NIPBL: variants seen among roughly 807,000 people sequenced by gnomAD.
NIPBL encodes nipped-B-like protein.
Under a neutral mutation model 321.8 loss-of-function variants are expected in NIPBL, and 19 were observed. The ratio of observed to expected loss-of-function variants is 0.06; its 90% confidence interval spans 0.04 to 0.09. The LOEUF (loss-of-function observed/expected upper bound fraction) is 0.09, where lower values mean the gene tolerates loss of function less well. NIPBL is among the 10% of genes least tolerant of loss of function. NIPBL has a pLI of 1.00. For missense variants in NIPBL, 2,210 were observed against 3,327.0 expected (o/e 0.66, Z 8.26); for synonymous variants, 1,106 against 1,114.1 (o/e 0.99, Z 0.14).
rs1749508076 is a variant in NIPBL, at chr5:37,020,562, A to G, written c.5114A>G (p.His1705Arg). The change falls in exon 26 of 47, where the codon CAT (histidine) becomes CGT (arginine). Residue 1705 changes from histidine to arginine, a missense_variant. By Grantham distance (29) the His-to-Arg change is conservative (BLOSUM62 0). Around this residue, in one of 14 missense-constraint regions of NIPBL, gnomAD observed 138 missense variants for 175.8 expected, o/e 0.79. Coordinates refer to ENST00000282516, the MANE Select transcript of NIPBL (RefSeq NM_133433.4). ...QKDEESSEGT[H>R]HAKEIETTGQ... is the part of the protein sequence containing the mutation. ...GATGAAGAATCATCTGAAGGAACACATCATGCAAAGGAAATTGAGACAACT... is the reference window on the plus strand; with the variant it reads ...GATGAAGAATCATCTGAAGGAACACGTCATGCAAAGGAAATTGAGACAACT... 1 of 1,613,970 alleles carries G rather than the reference A, an allele frequency of 6.2e-7. No homozygotes were observed. The highest frequency in any genetic ancestry group is 1.3e-5 in the African/African-American group (1 of 74,932).
At chr5:37,028,071 A>G (rs1032658569) in intron 32 of NIPBL, among the ~76,000 whole-genome samples, 1 of 152,112 alleles carries the variant, frequency 6.6e-6, no homozygotes, top group African/African-American at 2.4e-5. Context: ...ATATAATTAC[A>G]TGATTTAGTA....
chr5:36,887,212 A>T (rs1371465877), intron 1 of NIPBL, among the ~76,000 whole-genome samples: 1 of 152,178 alleles, frequency 6.6e-6, no homozygotes, highest in Non-Finnish European at 1.5e-5. Context: ...AAGCATGTGA[A>T]ATAGACCTAC....
At chr5:37,023,591 C>A (rs552252985) in intron 29 of NIPBL, among the ~76,000 whole-genome samples, 1 of 151,916 alleles carries the variant, frequency 6.6e-6, no homozygotes, top group Non-Finnish European at 1.5e-5. Flanking sequence ...ATTATCTCAC[C>A]CAAATTAGCA....
chr5:36,956,840 G>C (rs995823502), intron 3 of NIPBL, among the ~76,000 whole-genome samples: 18 of 151,728 alleles, frequency 1.2e-4, no homozygotes. Context: ...GGCCAGGCTG[G>C]TCTCAAATTC....
chr5:36,926,290 C>G (rs1374122383), intron 1 of NIPBL, among the ~76,000 whole-genome samples: 1 of 152,154 alleles, frequency 6.6e-6, no homozygotes, highest in African/African-American at 2.4e-5. Flanking sequence ...TCCTATGTCT[C>G]ACGATTTTGT....
chr5:36,897,835 C>G (rs1746877213), intron 1 of NIPBL, among the ~76,000 whole-genome samples: 1 of 145,274 alleles, frequency 6.9e-6, no homozygotes, highest in Non-Finnish European at 1.5e-5. Context: ...CTTTACTCCA[C>G]TAGTCAGTAA....
chr5:36,945,589 G>A (rs1739580266), intron 1 of NIPBL, among the ~76,000 whole-genome samples: 1 of 152,146 alleles, frequency 6.6e-6, no homozygotes, highest in South Asian at 2.1e-4. Flanking sequence ...AGCGGTGGCT[G>A]CAGAGAGCTC....
At chr5:36,972,365 CTT>C (rs1742953121) in intron 8 of NIPBL, among the ~76,000 whole-genome samples, 1 of 152,116 alleles carries the variant, frequency 6.6e-6, no homozygotes, top group Non-Finnish European at 1.5e-5. Context: ...CAGCTTTCCT[CTT>C]TCCTCCAAAA....
intron 42 of NIPBL, among the ~76,000 whole-genome samples, chr5:37,054,354 TATC>T (rs1250736827): frequency 6.6e-6 from 1 of 152,250 alleles, no homozygotes; most frequent in African/African-American, 2.4e-5. Flanking sequence ...ATTATCATCA[TATC>T]ATTATCAGTA....
chr5:37,059,338 C>T (rs768763529), intron 44 of NIPBL, among the ~76,000 whole-genome samples, 173 bp downstream of exon 44: 5 of 152,100 alleles, frequency 3.3e-5, no homozygotes, highest in Non-Finnish European at 7.4e-5. Context: ...GAAACGCCAT[C>T]TCTATTAAAA....
intron 1 of NIPBL, among the ~76,000 whole-genome samples, chr5:36,895,021 A>G (rs907232521): frequency 3.3e-5 from 5 of 152,170 alleles, no homozygotes; most frequent in African/African-American, 9.7e-5. Flanking sequence ...AAACTGTAAA[A>G]TTCACCCTTT....
At chr5:36,972,183 G>T (rs930204085) in intron 8 of NIPBL, 142 bp downstream of exon 8, 5 of 633,946 alleles carry the variant, frequency 7.9e-6, no homozygotes, top group Non-Finnish European at 8.4e-6. Context: ...GTACAAGCAG[G>T]TCTGGATCAT....
At chr5:36,992,804 G>A (rs1360208984) in intron 10 of NIPBL, among the ~76,000 whole-genome samples, 1 of 151,490 alleles carries the variant, frequency 6.6e-6, no homozygotes, top group Non-Finnish European at 1.5e-5. Flanking sequence ...GTGCAGTGGC[G>A]TGATCTTGGC....
chr5:36,962,753 TTACA>T (rs1301199972), intron 6 of NIPBL, among the ~76,000 whole-genome samples: 4 of 152,204 alleles, frequency 2.6e-5, no homozygotes, highest in African/African-American at 9.6e-5. Context: ...CTTGTCGTTA[TTACA>T]TAAACAATAT....
At chr5:37,023,775 T>TTTTTTTTTTTTTTTTTTTTTTTTTTTTA (rs1554026119) in intron 29 of NIPBL, among the ~76,000 whole-genome samples, 1 of 138,870 alleles carries the variant, frequency 7.2e-6, no homozygotes, top group Non-Finnish European at 1.5e-5. Context: ...TTTTTTTTTT[T>TTTTTTTTTTTTTTTTTTTTTTTTTTTTA]ACATCCCATA....
chr5:37,003,022 C>T lies in NIPBL; in HGVS notation c.3769-239C>T, dbSNP rs562590457. Among the ~76,000 whole-genome samples the T allele has an allele frequency of 0.012, 1,810 of 146,102 alleles. 34 individuals are homozygous for T. Among genetic ancestry groups the T allele is most frequent in the African/African-American group, 0.043 (1,704 of 39,780 alleles). On this transcript the variant is annotated intron_variant, in intron 15 of 46. Coordinates refer to ENST00000282516, the MANE Select transcript of NIPBL (RefSeq NM_133433.4). The stretch of plus-strand genomic sequence containing the variant: ...AATTTTTTCCAGAGTTTTTTTTTTT[C>T]ATTTTCTCAAATATTTAGATTATTT...
chr5:36,884,374 A>G (rs1279518792), intron 1 of NIPBL, among the ~76,000 whole-genome samples: 2 of 152,210 alleles, frequency 1.3e-5, no homozygotes, highest in East Asian at 1.9e-4. Context: ...GACATTAACC[A>G]TGAAAATATA....
At chr5:36,959,836 A>G (rs1414970431) in intron 4 of NIPBL, among the ~76,000 whole-genome samples, 2 of 152,096 alleles carry the variant, frequency 1.3e-5, no homozygotes, top group African/African-American at 4.8e-5. Flanking sequence ...TGATTTCTGT[A>G]TACCCTACTT....
At chr5:37,061,063 T>C (rs764249220) in intron 45 of NIPBL, 45 bp downstream of exon 45, 3 of 1,499,106 alleles carry the variant, frequency 2.0e-6, no homozygotes, top group Admixed American at 1.7e-5. Flanking sequence ...AAGGGCTTTT[T>C]TGACAAGTAA....
Sources: gnomAD v4.1 joint callset for allele counts (sites outside exome capture counted in the v4.1 genomes callset) on GRCh38, gnomAD v4.1.1 for gene constraint, gnomAD v4.1.1 regional missense constraint, MANE v1.5 for transcripts, NCBI Gene and HGNC (gene_info 2026-07-23, HGNC 2026-07-21) for gene names.